The following CNTNAP2 variants were observed in gnomAD, a reference collection of about 807,000 sequenced individuals.
The protein encoded by CNTNAP2 is contactin associated protein 2, also known as contactin-associated protein-like 2.
CNTNAP2 carries 98 observed loss-of-function variants against 155.2 expected under a neutral mutation model. The observed-to-expected ratio is 0.63, with a 90% CI of 0.54 to 0.75. The LOEUF is 0.75. CNTNAP2 is among the 30% of genes least tolerant of loss of function. The probability of loss-of-function intolerance (pLI) is 0.00; values close to 1 mark genes in which losing one functional copy is unlikely to be tolerated. For synonymous variants in CNTNAP2, 651 were observed against 631.2 expected (o/e 1.03, Z -0.47); for missense variants, 1,727 against 1,688.1 (o/e 1.02, Z -0.40).
intron 4 of CNTNAP2, among the ~76,000 whole-genome samples, chr7:147,078,595 T>C (rs1800040206): frequency 1.3e-5 from 2 of 152,112 alleles, no homozygotes; most frequent in African/African-American, 4.8e-5. Context: ...AGGTTCCATT[T>C]TGGCTGCAAT....
intron 1 of CNTNAP2, among the ~76,000 whole-genome samples, chr7:146,478,483 G>T (rs1042784248): frequency 1.3e-5 from 2 of 151,906 alleles, no homozygotes; most frequent in African/African-American, 4.8e-5. Context: ...TCAGTAGCGG[G>T]CTTTGTTATG....
At chr7:146,947,754 T>C (rs1209808020) in intron 3 of CNTNAP2, among the ~76,000 whole-genome samples, 1 of 150,452 alleles carries the variant, frequency 6.6e-6, no homozygotes, top group Non-Finnish European at 1.5e-5. Flanking sequence ...AAAAATAAAA[T>C]AAAATTAGCT....
At chr7:147,643,735 A>AAT (rs1795323173) in intron 13 of CNTNAP2, among the ~76,000 whole-genome samples, 1 of 152,186 alleles carries the variant, frequency 6.6e-6, no homozygotes, top group Non-Finnish European at 1.5e-5. Context: ...TTGCGCTTAA[A>AAT]ATGTTATTTT....
intron 1 of CNTNAP2, among the ~76,000 whole-genome samples, chr7:146,517,594 A>G (rs1797559867): frequency 6.6e-6 from 1 of 151,910 alleles, no homozygotes; most frequent in Non-Finnish European, 1.5e-5. Context: ...GTTTGGATTT[A>G]ATTCTGAAAG....
chr7:147,441,923 A>G (rs1405547499), intron 10 of CNTNAP2, among the ~76,000 whole-genome samples: 1 of 141,216 alleles, frequency 7.1e-6, no homozygotes, highest in East Asian at 2.2e-4. Flanking sequence ...GAGTGGAATG[A>G]CGTAAGCACC....
chr7:147,308,611 C>A (rs902008261), intron 9 of CNTNAP2, among the ~76,000 whole-genome samples: 1 of 152,134 alleles, frequency 6.6e-6, no homozygotes, highest in Admixed American at 6.5e-5. Context: ...TTCTCCTTCC[C>A]CTTTCACAAT....
At chr7:148,289,423 C>T (rs1233483054) in intron 21 of CNTNAP2, among the ~76,000 whole-genome samples, 2 of 152,150 alleles carry the variant, frequency 1.3e-5, no homozygotes, top group Non-Finnish European at 2.9e-5. Context: ...GTTTTCGGAA[C>T]AGATTTGTCC....
rs1229610251 is a variant in CNTNAP2, at chr7:148,420,781, G to A, written c.*5165G>A. 1 of 152,542 alleles carries A rather than the reference G, an allele frequency of 6.6e-6. No individual in the cohort carries two copies. The highest frequency in any genetic ancestry group is 1.5e-5 in the Non-Finnish European group (1 of 68,030). 9.4% of individuals were successfully genotyped at this position (152,542 alleles called of 1,614,324 possible). A position where few individuals can be genotyped will look rare whatever the true frequency, so the allele number is the denominator to read the frequency against. The stretch of plus-strand genomic sequence containing the variant: ...AGAGGTTAGTGCTGTGAAAAGCTGG[G>A]CTAAATATTCTTTCTGTAAAGTCAA... On this transcript the variant is annotated 3_prime_UTR_variant, in exon 24 of 24. Transcript: ENST00000361727.
At chr7:146,143,445 A>G (rs1797909485) in intron 1 of CNTNAP2, among the ~76,000 whole-genome samples, 1 of 152,062 alleles carries the variant, frequency 6.6e-6, no homozygotes, top group Non-Finnish European at 1.5e-5. Context: ...CATTTAAATT[A>G]CGCTGTCTCA....
At chr7:146,548,624 T>C (rs1438924136) in intron 1 of CNTNAP2, among the ~76,000 whole-genome samples, 3 of 152,102 alleles carry the variant, frequency 2.0e-5, no homozygotes, top group South Asian at 2.1e-4. Flanking sequence ...CTTTGGGCCC[T>C]TGTGTGTCTT....
intron 15 of CNTNAP2, among the ~76,000 whole-genome samples, chr7:148,032,376 G>A (rs557929705): frequency 6.6e-6 from 1 of 152,284 alleles, no homozygotes; most frequent in South Asian, 2.1e-4. Flanking sequence ...CATCACATCA[G>A]TGTGTGTGCA....
intron 8 of CNTNAP2, among the ~76,000 whole-genome samples, chr7:147,296,367 G>T (rs1055028795): frequency 1.3e-5 from 2 of 152,154 alleles, no homozygotes; most frequent in African/African-American, 2.4e-5. Flanking sequence ...ATACCCAAAG[G>T]GACCCACTTG....
intron 10 of CNTNAP2, among the ~76,000 whole-genome samples, chr7:147,434,462 C>T (rs953577627): frequency 8.5e-5 from 13 of 152,124 alleles, no homozygotes; most frequent in Non-Finnish European, 1.5e-5. Context: ...ACACTCCCTT[C>T]TAATTTGTAT....
chr7:148,093,932 A>AT (rs920239470), intron 15 of CNTNAP2, among the ~76,000 whole-genome samples: 21 of 151,992 alleles, frequency 1.4e-4, no homozygotes, highest in Admixed American at 2.0e-4. Flanking sequence ...GATTTTTTGT[A>AT]TTTTTTGTAG....
At chr7:147,163,937 T>C (rs1046413947) in intron 8 of CNTNAP2, among the ~76,000 whole-genome samples, 1 of 152,156 alleles carries the variant, frequency 6.6e-6, no homozygotes, top group African/African-American at 2.4e-5. Context: ...AAACTCAGGA[T>C]AAAGCAAAAT....
At position 147,643,205 on chromosome 7, in the gene CNTNAP2, A is replaced by C. The variant is rs544869234; in HGVS notation, c.2098+3899A>C. Among the ~76,000 whole-genome samples, 3 of 152,328 alleles carry C rather than the reference A, an allele frequency of 2.0e-5. No individual in the cohort carries two copies. In the East Asian group the frequency reaches 5.8e-4, roughly 29 times the overall value. ...TTCATGTGGGAGAAGATTAAAGGGA[A>C]TATTAGGGCTTGTCTGACCCATTGA... is the stretch of plus-strand genomic sequence containing the variant. On this transcript the variant is annotated intron_variant, in intron 13 of 23. Coordinates refer to ENST00000361727, the MANE Select transcript of CNTNAP2 (RefSeq NM_014141.6).
intron 1 of CNTNAP2, among the ~76,000 whole-genome samples, chr7:146,446,854 A>C (rs1349124319): frequency 6.6e-6 from 1 of 152,104 alleles, no homozygotes; most frequent in Admixed American, 6.5e-5. Context: ...ATAAAGGCCC[A>C]AAAGACTGAC....
intron 15 of CNTNAP2, among the ~76,000 whole-genome samples, chr7:148,062,995 G>A (rs571180682): frequency 6.6e-6 from 1 of 152,194 alleles, no homozygotes; most frequent in African/African-American, 2.4e-5. Context: ...ATGACAATAA[G>A]AGAATACCAT....
chr7:147,358,300 T>C (rs1796094885), intron 9 of CNTNAP2, among the ~76,000 whole-genome samples: 1 of 152,166 alleles, frequency 6.6e-6, no homozygotes, highest in Non-Finnish European at 1.5e-5. Context: ...TTTCCTCTTC[T>C]CTATAAGCAA....
Sources: allele counts gnomAD v4.1 joint callset (sites outside exome capture counted in the v4.1 genomes callset), GRCh38; gene constraint gnomAD v4.1.1; transcripts MANE v1.5; gene names NCBI Gene and HGNC (gene_info 2026-07-23, HGNC 2026-07-21).